NPAT: variants seen among roughly 807,000 people sequenced by gnomAD.
The protein encoded by NPAT is nuclear protein, coactivator of histone transcription, also known as protein NPAT.
Under a neutral mutation model 130.7 loss-of-function variants are expected in NPAT, and 52 were observed. The ratio of observed to expected loss-of-function variants is 0.40; its 90% CI spans 0.32 to 0.50. The LOEUF (loss-of-function observed/expected upper bound fraction) is 0.50, where lower values mean the gene tolerates loss of function less well. Among genes scored for constraint, NPAT ranks in the 20% least tolerant of loss-of-function variants. The probability of loss-of-function intolerance (pLI) is 0.68; values close to 1 mark genes in which losing one functional copy is unlikely to be tolerated. For missense variants in NPAT, 1,687 were observed against 1,662.6 expected, an observed-to-expected ratio of 1.01 and a Z score of -0.26; for synonymous variants, 580 against 584.8, an observed-to-expected ratio of 0.99 and a Z score of 0.12.
intron 1 of NPAT, among the ~76,000 whole-genome samples, chr11:108,221,411 AG>A (rs2134915050): frequency 6.6e-6 from 1 of 152,358 alleles, no homozygotes; most frequent in South Asian, 2.1e-4. Context: ...CTTAAGCAAA[AG>A]ATTAATCAGA....
chr11:108,196,216 A>G (rs762290750), intron 2 of NPAT, among the ~76,000 whole-genome samples: 5 of 152,212 alleles, frequency 3.3e-5, no homozygotes, highest in Non-Finnish European at 5.9e-5. Context: ...ATTTGTTGAT[A>G]AGACCATCCT....
intron 15 of NPAT, among the ~76,000 whole-genome samples, chr11:108,168,315 T>C (rs4754300): frequency 0.11 from 16,189 of 152,174 alleles, 1,203 homozygotes; most frequent in Non-Finnish European, 0.14. Flanking sequence ...TGATAGGACA[T>C]ATATAAAATA....
intron 10 of NPAT, among the ~76,000 whole-genome samples, chr11:108,178,953 C>G (rs1032521366): frequency 6.6e-6 from 1 of 152,186 alleles, no homozygotes; most frequent in Non-Finnish European, 1.5e-5. Context: ...TTGGAGATCT[C>G]ACAGTTTCTG....
chr11:108,197,469 T>C (rs973878644), intron 1 of NPAT, 49 bp from the exon 2 acceptor site: 9 of 1,134,052 alleles, frequency 7.9e-6, no homozygotes, highest in Non-Finnish European at 1.2e-5. Flanking sequence ...TCTGTACTTT[T>C]GGTTAAAACT....
chr11:108,165,470 A>ATTT (rs1196381941), intron 15 of NPAT, among the ~76,000 whole-genome samples: 231 of 117,850 alleles, frequency 2.0e-3, no homozygotes, highest in African/African-American at 6.5e-3. Context: ...ATATATATAT[A>ATTT]TATTTTTTTT....
chr11:108,216,656 G>GAAAGC (rs2078438228), intron 1 of NPAT, among the ~76,000 whole-genome samples: 1 of 151,614 alleles, frequency 6.6e-6, no homozygotes, highest in Admixed American at 6.6e-5. Context: ...GCATAACCTG[G>GAAAGC]AATCATTACA....
At chr11:108,185,536 T>A in intron 8 of NPAT, 42 bp from the exon 9 acceptor site, 2 of 1,208,154 alleles carry the variant, frequency 1.7e-6, no homozygotes, top group Non-Finnish European at 2.4e-6. Flanking sequence ...CAATAAAGAG[T>A]ATTCTGCTAT....
intron 1 of NPAT, among the ~76,000 whole-genome samples, chr11:108,219,264 C>A (rs1416259247): frequency 6.6e-6 from 1 of 152,174 alleles, no homozygotes; most frequent in Non-Finnish European, 1.5e-5. Context: ...AAGACTACCA[C>A]TCCCTCATCA....
At chr11:108,187,737 C>CA (rs1210091978) in intron 7 of NPAT, among the ~76,000 whole-genome samples, 8 of 149,524 alleles carry the variant, frequency 5.4e-5, no homozygotes, top group Non-Finnish European at 1.0e-4. Context: ...ATCAATTGAT[C>CA]TTAGGACTTT....
chr11:108,185,758 T>C (rs796104489), intron 8 of NPAT, among the ~76,000 whole-genome samples: 13 of 152,332 alleles, frequency 8.5e-5, no homozygotes, highest in African/African-American at 2.9e-4. Context: ...ATTTTTACAG[T>C]GTCGCTCTAT....
chr11:108,165,004 T>A (rs2077888089), intron 15 of NPAT, among the ~76,000 whole-genome samples: 1 of 152,072 alleles, frequency 6.6e-6, no homozygotes, highest in Admixed American at 6.6e-5. Flanking sequence ...AGTAAGACTC[T>A]GTCTCAAAAA....
At chr11:108,194,128 G>A (rs907028409) in intron 2 of NPAT, 111 bp from the exon 3 acceptor site, 6 of 664,648 alleles carry the variant, frequency 9.0e-6, no homozygotes, top group East Asian at 5.4e-5. Context: ...GCAGAGTAGC[G>A]ATGAGGAAAG....
chr11:108,184,068 A>G (rs1168769690), intron 10 of NPAT, among the ~76,000 whole-genome samples: 1 of 152,090 alleles, frequency 6.6e-6, no homozygotes, highest in Non-Finnish European at 1.5e-5. Flanking sequence ...TCTCTTTTGT[A>G]TTTACTACCA....
chr11:108,217,305 G>C (rs560819381), intron 1 of NPAT, among the ~76,000 whole-genome samples: 1 of 152,170 alleles, frequency 6.6e-6, no homozygotes, highest in African/African-American at 2.4e-5. Context: ...AACTGGGTAA[G>C]TAATTATCTT....
Position 108,162,157 on chromosome 11 carries a change from C to G in NPAT, c.3034G>C (p.Asp1012His). ...CIGKQVNNLV[D>H]SSGHSVGCHA... The stretch of plus-strand genomic sequence containing the variant: ...CATCCAACTGAATGACCTGACGAAT[C>G]CACCAAATTATTTACTTGTTTTCCT... The change falls in exon 16 of 18, where the codon GAT becomes CAT. Residue 1012 changes from aspartate (D) to histidine (H), a missense_variant. Physicochemically the swap from Asp to His is moderately conservative, Grantham distance 81 (BLOSUM62 -1). This residue lies in a region of NPAT where 1,379 missense variants were observed against 1,346.6 expected (regional missense o/e 1.02). Coordinates refer to ENST00000278612, the MANE Select transcript of NPAT (RefSeq NM_002519.3). 6.2e-7 allele frequency: 1 copy of G among 1,613,842 alleles called. No individual in the cohort carries two copies. The highest frequency in any genetic ancestry group is 8.5e-7 in the Non-Finnish European group (1 of 1,179,808).
intron 10 of NPAT, among the ~76,000 whole-genome samples, chr11:108,178,178 C>G (rs2078026390): frequency 6.6e-6 from 1 of 152,116 alleles, no homozygotes; most frequent in African/African-American, 2.4e-5. Context: ...CTTATCTATT[C>G]AGCTTTAAAA....
rs1369798013 is a variant in NPAT, at chr11:108,173,189, A to C, written c.1795T>G (p.Ser599Ala). The change falls in exon 13 of 18, where the codon TCT (serine) becomes GCT (alanine). Residue 599 changes from serine (S) to alanine (A), a missense_variant. Coordinates refer to ENST00000278612, the MANE Select transcript of NPAT (RefSeq NM_002519.3). ...MSQLSNCQDN[S>A]CLQSEILPVS... is the part of the protein sequence containing the mutation. ...GGTAGTATTTCACTTTGAAGACAAG[A>C]ATTATCTTGGCAATTTGATAGCTGT... The C allele has an allele frequency of 1.2e-6, 2 of 1,613,752 alleles. No homozygotes were observed. Among genetic ancestry groups the C allele is most frequent in the South Asian group, 2.2e-5 (2 of 91,084 alleles).
intron 1 of NPAT, among the ~76,000 whole-genome samples, chr11:108,216,943 C>T (rs1219154947): frequency 1.3e-5 from 2 of 152,148 alleles, no homozygotes; most frequent in Non-Finnish European, 2.9e-5. Flanking sequence ...CTCATGTTCA[C>T]TGATCATTAT....
At chr11:108,213,627 G>A (rs745721272) in intron 1 of NPAT, among the ~76,000 whole-genome samples, 14 of 152,134 alleles carry the variant, frequency 9.2e-5, no homozygotes, top group Admixed American at 2.0e-4. Flanking sequence ...AATCTCAACT[G>A]CCTTTTGTGC....
Sources: gnomAD v4.1 joint callset for allele counts (sites outside exome capture counted in the v4.1 genomes callset) on GRCh38, gnomAD v4.1.1 for gene constraint, gnomAD v4.1.1 regional missense constraint, MANE v1.5 for transcripts, NCBI Gene and HGNC (gene_info 2026-07-23, HGNC 2026-07-21) for gene names.